The following PTN variants were observed in gnomAD, a reference collection of about 807,000 sequenced individuals.
The protein encoded by PTN is heparin affin regulatory protein.
A neutral mutation model predicts 24.1 loss-of-function variants in PTN; 18 were observed. That is an observed-to-expected ratio of 0.75 (90% confidence interval 0.52 to 1.11). PTN has a LOEUF of 1.11. Ranked by LOEUF, PTN falls within the 50% of genes least tolerant of loss-of-function variation. PTN has a pLI of 0.00. For missense variants in PTN, 163 were observed against 198.8 expected (o/e 0.82, Z 1.08); for synonymous variants, 78 against 68.6 (o/e 1.14, Z -0.67).
chr7:137,293,969 T>A (rs1193400356), intron 1 of PTN, among the ~76,000 whole-genome samples: 1 of 152,136 alleles, frequency 6.6e-6, no homozygotes, highest in African/African-American at 2.4e-5. Context: ...GGAAAAAATG[T>A]TTTGATATAT....
intron 1 of PTN, among the ~76,000 whole-genome samples, chr7:137,265,678 C>T (rs1048205411): frequency 6.6e-6 from 1 of 152,218 alleles, no homozygotes; most frequent in Non-Finnish European, 1.5e-5. Flanking sequence ...CAGCCCACGC[C>T]TGGCCGACTG....
chr7:137,313,952 T>G (rs1002643131), intron 1 of PTN, among the ~76,000 whole-genome samples: 7 of 152,178 alleles, frequency 4.6e-5, no homozygotes, highest in Non-Finnish European at 8.8e-5. Context: ...ACCTTTTTCA[T>G]CAGGTGCTGG....
chr7:137,244,078 A>G (rs964018849), intron 4 of PTN, among the ~76,000 whole-genome samples: 5 of 152,150 alleles, frequency 3.3e-5, no homozygotes, highest in African/African-American at 9.7e-5. Context: ...TAACTAATTT[A>G]ATTAATCTAT....
chr7:137,328,077 G>A (rs1206874712), intron 1 of PTN, among the ~76,000 whole-genome samples: 1 of 151,986 alleles, frequency 6.6e-6, no homozygotes, highest in East Asian at 1.9e-4. Context: ...AAATAAAAAT[G>A]TCTTACTTCC....
intron 4 of PTN, among the ~76,000 whole-genome samples, chr7:137,237,898 TA>T (rs1359977491): frequency 6.6e-6 from 1 of 152,138 alleles, no homozygotes; most frequent in African/African-American, 2.4e-5. Context: ...TCTGTAAGAG[TA>T]AAAATAATTT....
chr7:137,259,372 G>A (rs1808992527), intron 1 of PTN, among the ~76,000 whole-genome samples: 1 of 151,964 alleles, frequency 6.6e-6, no homozygotes, highest in Non-Finnish European at 1.5e-5. Context: ...CAAAACCTTT[G>A]GCTCAAACTT....
chr7:137,263,502 G>T (rs1010810980), intron 1 of PTN, among the ~76,000 whole-genome samples: 13 of 152,198 alleles, frequency 8.5e-5, no homozygotes, highest in Admixed American at 8.5e-4. Context: ...AATAGTCAAG[G>T]CTTGACAGGT....
chr7:137,251,552 C>A (rs1318154325), intron 3 of PTN, among the ~76,000 whole-genome samples, 161 bp from the exon 4 acceptor site: 1 of 152,174 alleles, frequency 6.6e-6, no homozygotes, highest in Non-Finnish European at 1.5e-5. Flanking sequence ...GTATTGATTT[C>A]TGTTCAATTC....
At chr7:137,251,532 GT>G (rs1563200254) in intron 3 of PTN, 141 bp from the exon 4 acceptor site, 3 of 887,842 alleles carry the variant, frequency 3.4e-6, no homozygotes, top group African/African-American at 1.7e-5. Context: ...AATACAGAGT[GT>G]ATGCGTGTGT....
At chr7:137,250,137 G>T (rs948874447) in intron 4 of PTN, among the ~76,000 whole-genome samples, 10 of 152,168 alleles carry the variant, frequency 6.6e-5, no homozygotes, top group Admixed American at 5.2e-4. Context: ...TAGAGGCCAA[G>T]AAGGTATTTG....
intron 1 of PTN, among the ~76,000 whole-genome samples, chr7:137,296,002 C>T (rs180787385): frequency 6.6e-6 from 1 of 152,062 alleles, no homozygotes; most frequent in Non-Finnish European, 1.5e-5. Flanking sequence ...ATTCAAAAGC[C>T]TGGGTAGCAT....
intron 1 of PTN, among the ~76,000 whole-genome samples, chr7:137,269,765 T>C (rs1435200366): frequency 6.6e-6 from 1 of 151,388 alleles, no homozygotes; most frequent in African/African-American, 2.4e-5. Flanking sequence ...CCCAAGTAGT[T>C]GGGATTACAA....
chr7:137,305,017 G>T (rs112314797), intron 1 of PTN, among the ~76,000 whole-genome samples: 2,279 of 152,100 alleles, frequency 0.015, 57 homozygotes, highest in African/African-American at 0.048. Context: ...AGCAATTCGA[G>T]GTGCTCAGAA....
chr7:137,276,839 G>A (rs545432238), intron 1 of PTN, among the ~76,000 whole-genome samples: 2 of 152,090 alleles, frequency 1.3e-5, no homozygotes, highest in East Asian at 3.9e-4. Flanking sequence ...AGTAAAGTTT[G>A]ATTGTGTCTG....
chr7:137,235,464 T>C (rs564959641), intron 4 of PTN, among the ~76,000 whole-genome samples: 2 of 152,158 alleles, frequency 1.3e-5, no homozygotes, highest in African/African-American at 2.4e-5. Context: ...TAGCATAAAT[T>C]AAGTGGCAAA....
intron 1 of PTN, among the ~76,000 whole-genome samples, chr7:137,293,431 T>C (rs988840348): frequency 6.6e-6 from 1 of 152,100 alleles, no homozygotes; most frequent in African/African-American, 2.4e-5. Flanking sequence ...TAGAAGTTAT[T>C]CCTCATGTGA....
chr7:137,259,384 A>T (rs1386912713), intron 1 of PTN, among the ~76,000 whole-genome samples: 1 of 152,068 alleles, frequency 6.6e-6, no homozygotes, highest in Non-Finnish European at 1.5e-5. Flanking sequence ...CTCAAACTTC[A>T]GCTATACCAC....
intron 1 of PTN, among the ~76,000 whole-genome samples, chr7:137,277,001 C>A (rs933344366): frequency 6.6e-6 from 1 of 152,084 alleles, no homozygotes; most frequent in Admixed American, 6.5e-5. Flanking sequence ...AAGGTGAGTA[C>A]ACATATATAA....
chr7:137,263,151 A>G (rs551663116), intron 1 of PTN, among the ~76,000 whole-genome samples: 1 of 152,264 alleles, frequency 6.6e-6, no homozygotes, highest in East Asian at 1.9e-4. Flanking sequence ...GAAGCTTTTT[A>G]TCATTTGAAG....
Sources: allele counts gnomAD v4.1 joint callset (sites outside exome capture counted in the v4.1 genomes callset), GRCh38; gene constraint gnomAD v4.1.1; transcripts MANE v1.5; gene names NCBI Gene and HGNC (gene_info 2026-07-23, HGNC 2026-07-21).